DNAJC3: variants seen among roughly 807,000 people sequenced by gnomAD.
DNAJC3 encodes dnaJ homolog subfamily C member 3.
DNAJC3 carries 38 observed loss-of-function variants against 68.6 expected under a neutral mutation model. The observed-to-expected ratio is 0.55, with a 90% CI of 0.43 to 0.73. The LOEUF (loss-of-function observed/expected upper bound fraction) is 0.73, where lower values mean the gene tolerates loss of function less well. DNAJC3 is among the 30% of genes least tolerant of loss of function. DNAJC3 has a pLI of 0.00. For synonymous variants in DNAJC3, 203 were observed against 204.0 expected, an observed-to-expected ratio of 1.00 and a Z score of 0.04; for missense variants, 526 against 591.9, an observed-to-expected ratio of 0.89 and a Z score of 1.16.
At chr13:95,706,435 C>A (rs966264483) in intron 1 of DNAJC3, among the ~76,000 whole-genome samples, 3 of 152,204 alleles carry the variant, frequency 2.0e-5, no homozygotes, top group Non-Finnish European at 4.4e-5. Flanking sequence ...CATTGCCATA[C>A]ATGTTCTGTG....
rs758109795 is a variant in DNAJC3 at position 95,763,943 on chromosome 13, G to A, written c.1065G>A (p.Met355Ile). 1.9e-6 allele frequency: 3 copies of A among 1,613,802 alleles called. No individual in the cohort carries two copies. The highest frequency in any genetic ancestry group is 1.3e-5 in the African/African-American group (1 of 74,924). ...CAGAGGCCTATTTGATAGAGGAAAT[G>A]TATGATGAAGGTAAATCTTTAAGGA... ...DRAEAYLIEE[M>I]YDEAIQDYET... Residue 355 changes from methionine to isoleucine, a missense_variant, in exon 9 of 12, where the codon ATG becomes ATA. Transcript: ENST00000602402.
Position 95,735,514 on chromosome 13 carries a change from T to C in DNAJC3, c.393+10262T>C, listed in dbSNP as rs1327282202. ...CCTGACTTTTTAATGATTGCCATTC[T>C]AACTGGTGTGAGTTGGTATCTCATT... On this transcript the variant is annotated intron_variant, in intron 4 of 11. Transcript: ENST00000602402. 5.3e-5 allele frequency among the ~76,000 whole-genome samples: 8 copies of C among 150,550 alleles called. No individual in the cohort carries two copies. In the South Asian group the frequency reaches 8.4e-4, roughly 16 times the overall value.
rs1883869777 is a variant in DNAJC3, at chr13:95,793,727, G to A, written c.*2697G>A. On this transcript the variant is annotated 3_prime_UTR_variant, in exon 12 of 12. Coordinates refer to ENST00000602402, the MANE Select transcript of DNAJC3 (RefSeq NM_006260.5). ...TCTGCCCGCCTTGGCCTTCCAAAGT[G>A]TTGGGATTACAGGCGTGAGCCACTG... is the stretch of plus-strand genomic sequence containing the variant. 6.6e-6 allele frequency: 1 copy of A among 152,382 alleles called. No individual in the cohort carries two copies. Among genetic ancestry groups the A allele is most frequent in the South Asian group, 2.1e-4 (1 of 4,832 alleles). 9.4% of individuals were successfully genotyped at this position (152,382 alleles called of 1,614,324 possible). A position where few individuals can be genotyped will look rare whatever the true frequency, so the allele number is the denominator to read the frequency against.
At chr13:95,690,442 C>A (rs879278517) in intron 1 of DNAJC3, among the ~76,000 whole-genome samples, 7 of 151,174 alleles carry the variant, frequency 4.6e-5, no homozygotes, top group African/African-American at 1.5e-4. Context: ...ACCTTTCCCC[C>A]CTTTCTATTC....
Position 95,790,437 on chromosome 13 carries a change from T to G in DNAJC3, c.1358-436T>G, listed in dbSNP as rs371506686. On this transcript the variant is annotated intron_variant, in intron 11 of 11. Coordinates refer to ENST00000602402, the MANE Select transcript of DNAJC3 (RefSeq NM_006260.5). ...TCCCCTCATGTCTGAGGAGCCTTAGTGCTAGAATGCTCATTAGATGCTTGA... is the reference window on the plus strand; with the variant it reads ...TCCCCTCATGTCTGAGGAGCCTTAGGGCTAGAATGCTCATTAGATGCTTGA... 2.4e-4 allele frequency among the ~76,000 whole-genome samples: 36 copies of G among 152,322 alleles called. No individual in the cohort carries two copies. The East Asian group carries it at 2.9e-3, about 12-fold the overall frequency.
chr13:95,706,823 T>C (rs1880766605), intron 1 of DNAJC3, among the ~76,000 whole-genome samples: 1 of 152,212 alleles, frequency 6.6e-6, no homozygotes, highest in Admixed American at 6.5e-5. Context: ...AGAAACTTGG[T>C]GAGACCATGA....
At chr13:95,739,762 C>G (rs1239869395) in intron 4 of DNAJC3, among the ~76,000 whole-genome samples, 1 of 151,968 alleles carries the variant, frequency 6.6e-6, no homozygotes, top group Non-Finnish European at 1.5e-5. Context: ...TTTGAATGTC[C>G]TCCCGTAGCT....
At chr13:95,696,173 A>T (rs1263744546) in intron 1 of DNAJC3, among the ~76,000 whole-genome samples, 1 of 152,204 alleles carries the variant, frequency 6.6e-6, no homozygotes, top group Non-Finnish European at 1.5e-5. Flanking sequence ...AACCCTTGAT[A>T]TTACATAGTG....
intron 5 of DNAJC3, among the ~76,000 whole-genome samples, chr13:95,758,090 T>C (rs1196309998): frequency 6.6e-6 from 1 of 152,092 alleles, no homozygotes; most frequent in East Asian, 1.9e-4. Context: ...AGCGGTTAGA[T>C]AATGGGATAA....
chr13:95,699,863 C>A (rs1880540187), intron 1 of DNAJC3, among the ~76,000 whole-genome samples: 1 of 152,104 alleles, frequency 6.6e-6, no homozygotes, highest in South Asian at 2.1e-4. Flanking sequence ...GAGACAGGAT[C>A]ATGCTCTGTT....
chr13:95,711,131 T>TAA (rs1364817927), intron 2 of DNAJC3, among the ~76,000 whole-genome samples: 2 of 152,204 alleles, frequency 1.3e-5, no homozygotes, highest in Non-Finnish European at 2.9e-5. Flanking sequence ...AGATTTTTAT[T>TAA]ATTCAGATTT....
intron 1 of DNAJC3, among the ~76,000 whole-genome samples, chr13:95,683,489 C>T (rs1024552192): frequency 1.3e-5 from 2 of 152,218 alleles, no homozygotes; most frequent in African/African-American, 2.4e-5. Context: ...CCCTCTCTGT[C>T]TTCCTCCGGC....
At chr13:95,767,691 G>GTTTTGTTTTTTTT (rs1555328430) in intron 9 of DNAJC3, among the ~76,000 whole-genome samples, 5 of 135,790 alleles carry the variant, frequency 3.7e-5, no homozygotes, top group African/African-American at 1.4e-4. Flanking sequence ...AGTTTTTTGG[G>GTTTTGTTTTTTTT]TTTTTTTTTT....
chr13:95,692,793 C>T (rs900443411), intron 1 of DNAJC3: 5 of 151,886 alleles, frequency 3.3e-5, no homozygotes, highest in Admixed American at 6.6e-5. Flanking sequence ...ATCAACCACA[C>T]CTAGCACTTC....
At chr13:95,739,229 C>T (rs1349548031) in intron 4 of DNAJC3, among the ~76,000 whole-genome samples, 8 of 152,088 alleles carry the variant, frequency 5.3e-5, no homozygotes, top group African/African-American at 1.7e-4. Context: ...GAGGGTAACC[C>T]GACCTTCCTC....
At chr13:95,705,919 G>C (rs150472764) in intron 1 of DNAJC3, among the ~76,000 whole-genome samples, 1 of 152,168 alleles carries the variant, frequency 6.6e-6, no homozygotes, top group African/African-American at 2.4e-5. Context: ...TTGGTGTGTA[G>C]GTAACACATG....
intron 1 of DNAJC3, among the ~76,000 whole-genome samples, chr13:95,679,973 CCAGAGA>C (rs991033949): frequency 3.9e-5 from 6 of 152,096 alleles, no homozygotes; most frequent in Non-Finnish European, 8.8e-5. Flanking sequence ...TAATTGTCAT[CCAGAGA>C]CAGAAAGTAT....
In DNAJC3 at chr13:95,791,250, G is replaced by A; in HGVS notation, c.*220G>A. Reference sequence around the variant, plus strand: ...GAATGGTTCTATTTCTGACAGAGCAGCCTGCATCTGCTTTATGCTGTCTGG... The same window carrying A: ...GAATGGTTCTATTTCTGACAGAGCAACCTGCATCTGCTTTATGCTGTCTGG... On this transcript the variant is annotated 3_prime_UTR_variant, in exon 12 of 12. Transcript: ENST00000602402. 1 of 559,272 alleles carries A rather than the reference G, an allele frequency of 1.8e-6. No homozygotes were observed. Among genetic ancestry groups the A allele is most frequent in the Non-Finnish European group, 3.1e-6 (1 of 321,134 alleles). 34.6% of individuals were successfully genotyped at this position (559,272 alleles called of 1,614,324 possible).
intron 1 of DNAJC3, among the ~76,000 whole-genome samples, chr13:95,691,067 C>T (rs976210342): frequency 6.9e-6 from 1 of 145,626 alleles, no homozygotes; most frequent in African/African-American, 2.6e-5. Context: ...GGCAGAGGGG[C>T]TCCTCACTTC....
Sources: allele counts gnomAD v4.1 joint callset (sites outside exome capture counted in the v4.1 genomes callset), GRCh38; gene constraint gnomAD v4.1.1; transcripts MANE v1.5; gene names NCBI Gene and HGNC (gene_info 2026-07-23, HGNC 2026-07-21).